Variants in TUSC3 observed in about 807,000 individuals in gnomAD.
The protein encoded by TUSC3 is tumor suppressor candidate 3, also known as dolichyl-diphosphooligosaccharide--protein glycosyltransferase subunit TUSC3.
In TUSC3, 45 loss-of-function variants were observed where a neutral mutation model predicts 44.8. The observed-to-expected ratio is 1.00, with a 90% CI of 0.79 to 1.29. The LOEUF is 1.29. Ranked by LOEUF, TUSC3 falls within the 50% of genes most tolerant of loss-of-function variation. The pLI is 0.00. For missense variants in TUSC3, 519 were observed against 437.9 expected (o/e 1.19, Z -1.65); for synonymous variants, 212 against 152.9 (o/e 1.39, Z -2.85).
At chr8:15,801,243 G>A in the TUSC3 span, among the ~76,000 whole-genome samples, 1 of 152,156 alleles carries the variant, frequency 6.6e-6, no homozygotes, top group Non-Finnish European at 1.5e-5. Context: ...GTAATTTCCT[G>A]ACGCTGCCAT....
intron 6 of TUSC3, among the ~76,000 whole-genome samples, chr8:15,723,689 T>G (rs1005578522): frequency 6.6e-6 from 1 of 152,150 alleles, no homozygotes; most frequent in African/African-American, 2.4e-5. Context: ...CAGAGGAATC[T>G]TTTATTAAAA....
At chr8:15,435,996 C>T (rs28462245) in intron 1 of TUSC3, among the ~76,000 whole-genome samples, 21,329 of 152,112 alleles carry the variant, frequency 0.14, 1,544 homozygotes, top group Middle Eastern at 0.17. Flanking sequence ...CCATCACAGA[C>T]GTATGTTGAC....
At chr8:15,523,595 A>C (rs1801326660) in intron 2 of TUSC3, among the ~76,000 whole-genome samples, 1 of 148,710 alleles carries the variant, frequency 6.7e-6, no homozygotes. Context: ...CGACTTTCCA[A>C]ATATTTCACT....
At chr8:15,707,877 G>A (rs1458106748) in intron 6 of TUSC3, among the ~76,000 whole-genome samples, 1 of 151,814 alleles carries the variant, frequency 6.6e-6, no homozygotes, top group African/African-American at 2.4e-5. Context: ...GAGGTTCTAA[G>A]GAAAGAACCA....
intron 1 of TUSC3, among the ~76,000 whole-genome samples, chr8:15,614,949 A>C (rs1351202525): frequency 6.6e-6 from 1 of 151,388 alleles, no homozygotes; most frequent in Non-Finnish European, 1.5e-5. Context: ...AAAAAAAAAA[A>C]AAACCACCCC....
chr8:15,566,535 CT>C (rs1421657178), intron 1 of TUSC3, among the ~76,000 whole-genome samples: 2 of 151,978 alleles, frequency 1.3e-5, no homozygotes, highest in Non-Finnish European at 2.9e-5. Context: ...AAGTTTACCA[CT>C]TTTTTCATCA....
chr8:15,735,173 G>A (rs890176038), intron 7 of TUSC3, among the ~76,000 whole-genome samples: 2 of 151,644 alleles, frequency 1.3e-5, no homozygotes, highest in South Asian at 2.1e-4. Context: ...AGAAGGTAGA[G>A]CAAAGGAAGC....
chr8:15,597,258 T>G (rs1184489341), intron 1 of TUSC3, among the ~76,000 whole-genome samples: 1 of 152,136 alleles, frequency 6.6e-6, no homozygotes, highest in Non-Finnish European at 1.5e-5. Context: ...CTGTCTACAC[T>G]GATTTTGAAG....
At chr8:15,751,227 T>G (rs578234214) in intron 9 of TUSC3, among the ~76,000 whole-genome samples, 13 of 152,070 alleles carry the variant, frequency 8.5e-5, no homozygotes, top group East Asian at 1.9e-4. Context: ...TGGAGAGAGA[T>G]ATGGAGAAGC....
At chr8:15,484,118 T>A (rs1027272423) in intron 2 of TUSC3, among the ~76,000 whole-genome samples, 1 of 152,186 alleles carries the variant, frequency 6.6e-6, no homozygotes, top group African/African-American at 2.4e-5. Context: ...CAACCATAAA[T>A]TTTCTAATTG....
At chr8:15,602,646 G>A (rs1804335946) in intron 1 of TUSC3, among the ~76,000 whole-genome samples, 1 of 147,592 alleles carries the variant, frequency 6.8e-6, no homozygotes, top group South Asian at 2.2e-4. Flanking sequence ...CTTTGGGGTT[G>A]TGAAGATTAA....
the TUSC3 span, among the ~76,000 whole-genome samples, chr8:15,833,026 C>T: frequency 4.0e-5 from 6 of 151,824 alleles, no homozygotes; most frequent in Non-Finnish European, 8.8e-5. Context: ...ATCACATAAT[C>T]GGAAGTAAAA....
chr8:15,724,373 CATTTT>C (rs1810419196), intron 6 of TUSC3, among the ~76,000 whole-genome samples: 1 of 152,120 alleles, frequency 6.6e-6, no homozygotes, highest in Non-Finnish European at 1.5e-5. Flanking sequence ...GCAGATCTGT[CATTTT>C]ATATAGACAT....
intron 1 of TUSC3, among the ~76,000 whole-genome samples, chr8:15,572,729 T>A (rs961217530): frequency 2.0e-5 from 3 of 152,180 alleles, no homozygotes; most frequent in Non-Finnish European, 2.9e-5. Context: ...GTTGGGTTAT[T>A]CATTGGCCTA....
At chr8:15,748,667 C>G (rs773987403) in intron 9 of TUSC3, 1 of 727,326 alleles carries the variant, frequency 1.4e-6, no homozygotes, top group Non-Finnish European at 2.5e-6. Flanking sequence ...TGTTCCCTGA[C>G]AGCATGTAGT....
intron 1 of TUSC3, among the ~76,000 whole-genome samples, chr8:15,543,810 T>C (rs115074671): frequency 0.012 from 1,868 of 151,804 alleles, 42 homozygotes; most frequent in African/African-American, 0.042. Flanking sequence ...AGTCTATTGC[T>C]TATCATGAAA....
At chr8:15,512,918 CTATATATATAATCATATATATAT>C (rs1563270862) in intron 2 of TUSC3, among the ~76,000 whole-genome samples, 5 of 71,240 alleles carry the variant, frequency 7.0e-5, no homozygotes, top group Non-Finnish European at 1.3e-4. Flanking sequence ...ATATATGTAT[CTATATATATAATCATATATATAT>C]ATATATATAT....
intron 2 of TUSC3, among the ~76,000 whole-genome samples, chr8:15,534,390 T>A (rs1801493808): frequency 6.6e-6 from 1 of 152,070 alleles, no homozygotes; most frequent in South Asian, 2.1e-4. Flanking sequence ...ACACCTGTAA[T>A]CCCAGCACTT....
intron 2 of TUSC3, among the ~76,000 whole-genome samples, chr8:15,507,915 A>G (rs1179235014): frequency 6.6e-6 from 1 of 152,160 alleles, no homozygotes; most frequent in East Asian, 1.9e-4. Context: ...AGAGGAGGTA[A>G]AACTTGAGCC....
Sources: gnomAD v4.1 joint callset for allele counts (sites outside exome capture counted in the v4.1 genomes callset) on GRCh38, gnomAD v4.1.1 for gene constraint, MANE v1.5 for transcripts, NCBI Gene and HGNC (gene_info 2026-07-23, HGNC 2026-07-21) for gene names.